The following LDLRAD3 variants were observed in gnomAD, a reference collection of about 807,000 sequenced individuals.
LDLRAD3 encodes the protein low-density lipoprotein receptor class A domain-containing protein 3.
LDLRAD3 carries 20 observed loss-of-function variants against 29.4 expected under a neutral mutation model. The observed-to-expected ratio is 0.68, with a 90% confidence interval of 0.48 to 0.99. LDLRAD3 has a LOEUF of 0.99. LDLRAD3 is among the 50% of genes least tolerant of loss of function. LDLRAD3 has a pLI of 0.00. For synonymous variants in LDLRAD3, 157 were observed against 192.7 expected (o/e 0.81, Z 1.53); for missense variants, 420 against 454.3 (o/e 0.92, Z 0.69).
rs189657066 is a variant in LDLRAD3 at position 36,101,266 on chromosome 11, G to A, written c.454+2805G>A. ...CATTGCTGTGAGCTACCCAAGAAGAGTAACAAGAACAGGACCTGTGCCCGT... is the reference window on the plus strand; with the variant it reads ...CATTGCTGTGAGCTACCCAAGAAGAATAACAAGAACAGGACCTGTGCCCGT... On this transcript the variant is annotated intron_variant, in intron 4 of 5. Coordinates refer to ENST00000315571, the MANE Select transcript of LDLRAD3 (RefSeq NM_174902.4). Among the ~76,000 whole-genome samples the A allele has an allele frequency of 3.9e-3, 591 of 152,308 alleles. 4 individuals carry two copies. Among genetic ancestry groups the A allele is most frequent in the Non-Finnish European group, 6.6e-3 (447 of 68,026 alleles).
At chr11:36,117,512 A>G (rs1853692372) in intron 4 of LDLRAD3, among the ~76,000 whole-genome samples, 1 of 152,216 alleles carries the variant, frequency 6.6e-6, no homozygotes, top group Non-Finnish European at 1.5e-5. Flanking sequence ...GACTCTCTGT[A>G]TCTCAGTAAT....
chr11:36,161,988 CT>C (rs1352168192), intron 4 of LDLRAD3, among the ~76,000 whole-genome samples: 1 of 152,174 alleles, frequency 6.6e-6, no homozygotes, highest in Non-Finnish European at 1.5e-5. Flanking sequence ...ATAATCACCC[CT>C]AGAGAGATCT....
intron 2 of LDLRAD3, among the ~76,000 whole-genome samples, chr11:36,067,597 A>T: frequency 6.6e-6 from 1 of 152,172 alleles, no homozygotes; most frequent in Non-Finnish European, 1.5e-5. Flanking sequence ...CCAACTTACC[A>T]TAAATCATAT....
At position 36,214,263 on chromosome 11, in the gene LDLRAD3, A is replaced by T. The variant is rs575088101; in HGVS notation, c.455-12822A>T. ...GCGTGGGACTTGACCCTTGGCAAATAAGAAGTCCTGGAAGGGCTGTGAGTG... is the reference window on the plus strand; with the variant it reads ...GCGTGGGACTTGACCCTTGGCAAATTAGAAGTCCTGGAAGGGCTGTGAGTG... On this transcript the variant is annotated intron_variant, in intron 4 of 5. Coordinates refer to ENST00000315571, the MANE Select transcript of LDLRAD3 (RefSeq NM_174902.4). 9.2e-5 allele frequency among the ~76,000 whole-genome samples: 14 copies of T among 152,250 alleles called. No individual in the cohort carries two copies. In the South Asian group the frequency reaches 2.7e-3, roughly 29 times the overall value.
intron 1 of LDLRAD3, among the ~76,000 whole-genome samples, chr11:36,023,560 G>A (rs1852125731): frequency 6.6e-6 from 1 of 152,152 alleles, no homozygotes. Context: ...TGCCTTTCAA[G>A]GATATTTTCA....
chr11:36,151,686 T>C (rs551480312), intron 4 of LDLRAD3, among the ~76,000 whole-genome samples: 2 of 152,274 alleles, frequency 1.3e-5, no homozygotes, highest in East Asian at 1.9e-4. Context: ...TAAATGTATA[T>C]TGGTCAAAAT....
At chr11:36,130,181 G>A (rs539949506) in intron 4 of LDLRAD3, among the ~76,000 whole-genome samples, 3 of 152,332 alleles carry the variant, frequency 2.0e-5, no homozygotes, top group African/African-American at 7.2e-5. Context: ...AAGGAAAAGT[G>A]TAGGACACGA....
chr11:36,073,452 C>T lies in LDLRAD3; in HGVS notation c.194-8201C>T, dbSNP rs1159805645. On this transcript the variant is annotated intron_variant, in intron 2 of 5. Coordinates refer to ENST00000315571, the MANE Select transcript of LDLRAD3 (RefSeq NM_174902.4). ...TTCTGTCGGGCGCTGCTGAGTTCTACGAGGAAATCTCCCCTTTGTGGAAAT... is the reference window on the plus strand; with the variant it reads ...TTCTGTCGGGCGCTGCTGAGTTCTATGAGGAAATCTCCCCTTTGTGGAAAT... 3.9e-5 allele frequency among the ~76,000 whole-genome samples: 6 copies of T among 152,340 alleles called. No homozygotes were observed. In the South Asian group the frequency reaches 8.3e-4, roughly 21 times the overall value.
At position 36,231,157 on chromosome 11, in the gene LDLRAD3, T is replaced by G. The variant is rs985869563; in HGVS notation, c.*1760T>G. On this transcript the variant is annotated 3_prime_UTR_variant, in exon 6 of 6. Coordinates refer to ENST00000315571, the MANE Select transcript of LDLRAD3 (RefSeq NM_174902.4). Reference sequence around the variant, plus strand: ...AAATGTTCAGTAACCTGTTTGACGCTAATTAAAACAGAGCCTGCAGGAAGT... The same window carrying G: ...AAATGTTCAGTAACCTGTTTGACGCGAATTAAAACAGAGCCTGCAGGAAGT... 6.6e-6 allele frequency: 1 copy of G among 152,626 alleles called. No individual in the cohort carries two copies. Among genetic ancestry groups the G allele is most frequent in the African/African-American group, 2.4e-5 (1 of 41,440 alleles). 9.5% of individuals were successfully genotyped at this position (152,626 alleles called of 1,614,324 possible). A position where few individuals can be genotyped will look rare whatever the true frequency, so the allele number is the denominator to read the frequency against.
intron 4 of LDLRAD3, among the ~76,000 whole-genome samples, chr11:36,131,843 G>C (rs1039852003): frequency 6.6e-6 from 1 of 152,154 alleles, no homozygotes; most frequent in Non-Finnish European, 1.5e-5. Context: ...AACCCACCTG[G>C]GGCCTGGGGT....
At chr11:36,150,584 T>G (rs959185077) in intron 4 of LDLRAD3, among the ~76,000 whole-genome samples, 2 of 150,550 alleles carry the variant, frequency 1.3e-5, no homozygotes, top group Non-Finnish European at 3.0e-5. Context: ...AAACCCCATC[T>G]CTACTAAAAA....
intron 5 of LDLRAD3, 79 bp downstream of exon 5, chr11:36,227,509 CT>C: frequency 8.9e-7 from 1 of 1,125,250 alleles, no homozygotes; most frequent in Non-Finnish European, 1.2e-6. Context: ...CACTGAGGTT[CT>C]TAGGTCTTGC....
At chr11:36,049,988 A>G (rs1318577670) in intron 2 of LDLRAD3, among the ~76,000 whole-genome samples, 1 of 152,224 alleles carries the variant, frequency 6.6e-6, no homozygotes, top group Non-Finnish European at 1.5e-5. Context: ...TTCAGGATCT[A>G]GCAATAAAGC....
At chr11:35,978,265 A>G (rs1851498946) in intron 1 of LDLRAD3, among the ~76,000 whole-genome samples, 1 of 152,228 alleles carries the variant, frequency 6.6e-6, no homozygotes, top group Non-Finnish European at 1.5e-5. Flanking sequence ...CAAAGGCAAA[A>G]TCCAAACTGT....
chr11:36,131,985 G>A (rs1388974212), intron 4 of LDLRAD3, among the ~76,000 whole-genome samples: 8 of 152,084 alleles, frequency 5.3e-5, no homozygotes, highest in African/African-American at 1.9e-4. Flanking sequence ...TGCTTGGGGC[G>A]ATGGCTCTGT....
intron 1 of LDLRAD3, among the ~76,000 whole-genome samples, chr11:35,994,432 A>G (rs1851727533): frequency 6.6e-6 from 1 of 151,286 alleles, no homozygotes. Context: ...AAAAGTATAT[A>G]CCTTAATTAA....
chr11:36,150,853 C>T (rs956190732), intron 4 of LDLRAD3, among the ~76,000 whole-genome samples: 2 of 152,162 alleles, frequency 1.3e-5, no homozygotes, highest in African/African-American at 4.8e-5. Context: ...TTCTCTCTAC[C>T]TCCTGCTTTT....
chr11:36,100,899 A>G (rs1271513424), intron 4 of LDLRAD3, among the ~76,000 whole-genome samples: 1 of 152,116 alleles, frequency 6.6e-6, no homozygotes, highest in Non-Finnish European at 1.5e-5. Flanking sequence ...ACTGAAGCAG[A>G]TTTTTGCTTG....
intron 4 of LDLRAD3, among the ~76,000 whole-genome samples, chr11:36,166,925 A>G (rs1041552195): frequency 2.0e-5 from 3 of 152,192 alleles, no homozygotes; most frequent in Non-Finnish European, 4.4e-5. Context: ...ACTGGGTTGA[A>G]TAATGTTCTC....
Sources: gnomAD v4.1 joint callset for allele counts (sites outside exome capture counted in the v4.1 genomes callset) on GRCh38, gnomAD v4.1.1 for gene constraint, MANE v1.5 for transcripts, NCBI Gene and HGNC (gene_info 2026-07-23, HGNC 2026-07-21) for gene names.